The following PDE6G variants were observed in gnomAD, a reference collection of about 807,000 sequenced individuals.
PDE6G encodes the protein phosphodiesterase 6G.
A neutral mutation model predicts 10.9 loss-of-function variants in PDE6G; 10 were observed. The observed-to-expected ratio is 0.91, with a 90% CI of 0.56 to 1.55. The LOEUF is 1.55. Among genes scored for constraint, PDE6G ranks in the 40% most tolerant of loss-of-function variants. PDE6G has a pLI of 0.00. For missense variants in PDE6G, 102 were observed against 110.1 expected, an observed-to-expected ratio of 0.93 and a Z score of 0.33; for synonymous variants, 41 against 42.8, an observed-to-expected ratio of 0.96 and a Z score of 0.16.
chr17:81,653,236 T>C lies in PDE6G; in HGVS notation c.70A>G (p.Arg24Gly). The C allele has an allele frequency of 1.9e-6, 3 of 1,614,094 alleles. No homozygotes were observed. The highest frequency in any genetic ancestry group is 2.5e-6 in the Non-Finnish European group (3 of 1,179,978). Reference protein sequence around the residue: ...TRVAGGPVTPRKGPPKFKQRQ... With the variant: ...TRVAGGPVTPGKGPPKFKQRQ... ...TGCTTAAATTTAGGGGGCCCTTTCC[T>C]GGGGGTGACAGGTCCCCCGGCCACC... The change falls in exon 2 of 4, where the codon AGG (arginine) becomes GGG (glycine). Residue 24 changes from arginine (R) to glycine (G), a missense_variant. Physicochemically the swap from Arg to Gly is moderately radical, Grantham distance 125. Transcript: ENST00000331056. This position sits in a 1 kb window ranked among gnomAD's most constrained non-coding sequence, Gnocchi z 5.2.
At chr17:81,661,910 A>G (rs1271508164) in intron 1 of PDE6G, among the ~76,000 whole-genome samples, 1 of 150,982 alleles carries the variant, frequency 6.6e-6, no homozygotes, top group Non-Finnish European at 1.5e-5. Flanking sequence ...AGGTGCCTGT[A>G]ATCCTAGGTA....
intron 2 of PDE6G, among the ~76,000 whole-genome samples, chr17:81,652,121 T>C (rs2036367417): frequency 6.6e-6 from 1 of 152,262 alleles, no homozygotes; most frequent in South Asian, 2.1e-4. Flanking sequence ...TGGACACTCC[T>C]CGGTGCGTTG....
chr17:81,659,879 GAGTTGGAGA>G (rs1278708040), upstream of PDE6G, among the ~76,000 whole-genome samples: 2 of 152,144 alleles, frequency 1.3e-5, no homozygotes, highest in African/African-American at 4.8e-5. Context: ...CTGAGGTCAG[GAGTTGGAGA>G]CCAGCCTGAC....
intron 1 of PDE6G, among the ~76,000 whole-genome samples, chr17:81,662,841 T>C (rs1219707107): frequency 6.7e-6 from 1 of 149,678 alleles, no homozygotes; most frequent in African/African-American, 2.5e-5. Flanking sequence ...CTAGTAAAAA[T>C]ACAAAAAATT....
chr17:81,651,011 T>C lies in PDE6G; in HGVS notation c.*63A>G. ...GGAGGCATCTCCTCAACAGGAATCCTGAGCAGGGTTTAGAGCACAGTGGGC... is the reference window on the plus strand; with the variant it reads ...GGAGGCATCTCCTCAACAGGAATCCCGAGCAGGGTTTAGAGCACAGTGGGC... On this transcript the variant is annotated 3_prime_UTR_variant, in exon 4 of 4. Coordinates refer to ENST00000331056, the MANE Select transcript of PDE6G (RefSeq NM_002602.4). This position sits in a 1 kb window ranked among gnomAD's most constrained non-coding sequence, Gnocchi z 4.8. 1 of 1,254,776 alleles carries C rather than the reference T, an allele frequency of 8.0e-7. No homozygotes were observed. The highest frequency in any genetic ancestry group is 1.2e-6 in the Non-Finnish European group (1 of 852,852). 77.7% of individuals were successfully genotyped at this position (1,254,776 alleles called of 1,614,324 possible).
At chr17:81,657,310 C>A (rs1186813127), upstream of PDE6G, among the ~76,000 whole-genome samples, 1 of 152,180 alleles carries the variant, frequency 6.6e-6, no homozygotes, top group East Asian at 1.9e-4. Flanking sequence ...CCTTCTCTTA[C>A]CTAAATTTCT....
rs527303996 is a variant in PDE6G, at chr17:81,662,580, G to A, written c.-60+479C>T. 2.6e-5 allele frequency among the ~76,000 whole-genome samples: 4 copies of A among 152,136 alleles called. No homozygotes were observed. In the South Asian group the frequency reaches 6.2e-4, roughly 24 times the overall value. ...GGAGGTTGTGGTGAGCCGAGATCGC[G>A]CCACTGCACTGCAGCCTGGGCCACA... On this transcript the variant is annotated intron_variant, in intron 1 of 3. Transcript: ENST00000571224.
intron 1 of PDE6G, among the ~76,000 whole-genome samples, chr17:81,654,379 C>CTTTTT (rs11431043): frequency 7.8e-6 from 1 of 128,446 alleles, no homozygotes; most frequent in African/African-American, 3.0e-5. Flanking sequence ...CCCTCTGATT[C>CTTTTT]TTTTTTTTTT....
At position 81,650,857 on chromosome 17, in the gene PDE6G, C is replaced by G. The variant is rs2036339553; in HGVS notation, c.*217G>C. The G allele has an allele frequency of 1.6e-6, 1 of 637,226 alleles. No homozygotes were observed. Among genetic ancestry groups the G allele is most frequent in the African/African-American group, 1.8e-5 (1 of 55,560 alleles). The allele number at this position is 637,226 out of a possible 1,614,324, so 39.5% of individuals were successfully genotyped here. A position where few individuals can be genotyped will look rare whatever the true frequency, so the allele number is the denominator to read the frequency against. ...TGGGCCTGTATCTCCAGATGTTGAG[C>G]AGGGCCTGGCCAGCCCCTGAGGGGG... On this transcript the variant is annotated 3_prime_UTR_variant, in exon 4 of 4. Coordinates refer to ENST00000331056, the MANE Select transcript of PDE6G (RefSeq NM_002602.4).
At chr17:81,662,773 T>C (rs1462372219) in intron 1 of PDE6G, among the ~76,000 whole-genome samples, 2 of 152,172 alleles carry the variant, frequency 1.3e-5, no homozygotes, top group East Asian at 1.9e-4. Flanking sequence ...CCGAGGCAAG[T>C]GGATTACCTG....
chr17:81,652,154 C>T (rs891100843), intron 2 of PDE6G, among the ~76,000 whole-genome samples: 11 of 152,148 alleles, frequency 7.2e-5, no homozygotes, highest in South Asian at 2.1e-4. Context: ...TGCCTGTGTG[C>T]GCACACGAGT....
intron 1 of PDE6G, chr17:81,662,912 T>C (rs945204633): frequency 6.6e-6 from 1 of 152,156 alleles, no homozygotes; most frequent in Non-Finnish European, 1.5e-5. Flanking sequence ...GGCAGGAGAA[T>C]GGCTTTGAAC....
chr17:81,656,931 C>T (rs529912286), upstream of PDE6G: 11 of 386,674 alleles, frequency 2.8e-5, no homozygotes, highest in Non-Finnish European at 4.4e-5. Context: ...CATCTCACCC[C>T]TCCCACCCCA....
In PDE6G at chr17:81,653,615, CT is replaced by C. The variant is rs1009479877; in HGVS notation, c.-59-252del. The stretch of plus-strand genomic sequence containing the variant: ...GCCACACACAGCTCCGGACTCCCCC[CT>C]GTCCTGGCCTCCCTCGCCCCGGCCC... On this transcript the variant is annotated intron_variant, in intron 1 of 3. Transcript: ENST00000331056. This position sits in a 1 kb window ranked among gnomAD's most constrained non-coding sequence, Gnocchi z 5.2. 4.6e-6 allele frequency: 2 copies of C among 431,736 alleles called. No homozygotes were observed. The highest frequency in any genetic ancestry group is 4.3e-6 in the Non-Finnish European group (1 of 230,820). 26.7% of individuals were successfully genotyped at this position (431,736 alleles called of 1,614,324 possible).
At chr17:81,656,428 G>A in intron 1 of PDE6G, 65 bp downstream of exon 1, 1 of 719,720 alleles carries the variant, frequency 1.4e-6, no homozygotes, top group Non-Finnish European at 2.5e-6. Context: ...GTGATGAGCA[G>A]ACCCCCACTG....
intron 1 of PDE6G, among the ~76,000 whole-genome samples, chr17:81,662,151 C>A (rs919207722): frequency 6.6e-6 from 1 of 152,076 alleles, no homozygotes; most frequent in African/African-American, 2.4e-5. Flanking sequence ...ATTATGTCTC[C>A]CTAAAAAGTA....
In PDE6G at chr17:81,651,156, G is replaced by A; in HGVS notation, c.188-6C>T. ...AGGGCAGATGACTGTGATGTCTGTG[G>A]GAGAAACGGGCCACGGATCAGAGAG... On this transcript the variant is annotated splice_region_variant and splice_polypyrimidine_tract_variant and intron_variant, in intron 3 of 3. Transcript: ENST00000331056. The surrounding 1 kb of genome is among the most constrained non-coding windows in gnomAD (Gnocchi z 4.8). 6.2e-7 allele frequency: 1 copy of A among 1,610,432 alleles called. No homozygotes were observed. Among genetic ancestry groups the A allele is most frequent in the Non-Finnish European group, 8.5e-7 (1 of 1,176,674 alleles).
upstream of PDE6G, among the ~76,000 whole-genome samples, chr17:81,659,104 C>T (rs2036484777): frequency 6.6e-6 from 1 of 151,244 alleles, no homozygotes; most frequent in Admixed American, 6.6e-5. Flanking sequence ...TCCCACATGG[C>T]TCAATCCCTC....
rs370854624 is a variant in PDE6G, at chr17:81,653,326, C to A, written c.-21G>T. ...TTCATGGTGAGGCTGACGGAGACAC[C>A]GCGGCAACCTTGGCTCCTGGACTCC... On this transcript the variant is annotated 5_prime_UTR_variant, in exon 2 of 4. Coordinates refer to ENST00000331056, the MANE Select transcript of PDE6G (RefSeq NM_002602.4). This position sits in a 1 kb window ranked among gnomAD's most constrained non-coding sequence, Gnocchi z 5.2. The A allele has an allele frequency of 2.5e-6, 4 of 1,610,292 alleles. No homozygotes were observed. The highest frequency in any genetic ancestry group is 2.5e-6 in the Non-Finnish European group (3 of 1,179,882).
Sources: allele counts gnomAD v4.1 joint callset (sites outside exome capture counted in the v4.1 genomes callset), GRCh38; gene constraint gnomAD v4.1.1; non-coding constraint Gnocchi (gnomAD v3.1); transcripts MANE v1.5; gene names NCBI Gene and HGNC (gene_info 2026-07-23, HGNC 2026-07-21).